Variants in TOM1 observed in about 807,000 individuals in gnomAD.
TOM1 encodes the protein target of Myb protein 1.
In TOM1, 38 loss-of-function variants were observed where a neutral mutation model predicts 61.3. That is an observed-to-expected ratio of 0.62 (90% CI 0.48 to 0.81). The LOEUF (loss-of-function observed/expected upper bound fraction) is 0.81. Ranked by LOEUF, TOM1 falls within the 40% of genes least tolerant of loss-of-function variation. The pLI is 0.00. For synonymous variants in TOM1, 270 were observed against 268.8 expected (o/e 1.00, Z -0.04); for missense variants, 591 against 659.6 (o/e 0.90, Z 1.14).
chr22:35,310,582 T>C (rs746917163), intron 1 of TOM1, among the ~76,000 whole-genome samples: 10 of 152,106 alleles, frequency 6.6e-5, no homozygotes, highest in Admixed American at 5.2e-4. Flanking sequence ...GGATTGCAAG[T>C]TGGAAGAAGG....
chr22:35,347,123 G>C lies in TOM1; in HGVS notation c.1393G>C (p.Ala465Pro). The change falls in exon 15 of 15, where the codon GCT becomes CCT. Residue 465 changes from alanine to proline, a missense_variant. Transcript: ENST00000449058. Reference sequence around the variant, plus strand: ...ATTGCCCAACCTCTCCAGCCCCTCAGCTGAGGGGCCCCCGGGTCCCCCATC... The same window carrying C: ...ATTGCCCAACCTCTCCAGCCCCTCACCTGAGGGGCCCCCGGGTCCCCCATC... ...DRLPNLSSPS[A>P]EGPPGPPSGP... 13 of 1,613,734 alleles carry C rather than the reference G, an allele frequency of 8.1e-6. No homozygotes were observed. The highest frequency in any genetic ancestry group is 1.1e-5 in the Non-Finnish European group (13 of 1,179,848).
chr22:35,339,869 A>G (rs1172029163), intron 12 of TOM1, among the ~76,000 whole-genome samples: 1 of 148,648 alleles, frequency 6.7e-6, no homozygotes, highest in Non-Finnish European at 1.5e-5. Flanking sequence ...CCGCCACTGC[A>G]CTCCAACCTG....
chr22:35,339,661 T>C (rs1929699816), intron 12 of TOM1, among the ~76,000 whole-genome samples: 2 of 151,182 alleles, frequency 1.3e-5, no homozygotes, highest in Admixed American at 6.6e-5. Flanking sequence ...TCCCAGCACT[T>C]TGGGAGGCCG....
At chr22:35,337,061 G>A (rs989982698) in intron 11 of TOM1, among the ~76,000 whole-genome samples, 4 of 151,290 alleles carry the variant, frequency 2.6e-5, no homozygotes, top group African/African-American at 9.7e-5. Context: ...TCAGCCTCCC[G>A]AGTAGCTGGG....
chr22:35,318,560 G>T (rs1927507905), intron 2 of TOM1, among the ~76,000 whole-genome samples: 3 of 152,218 alleles, frequency 2.0e-5, no homozygotes, highest in African/African-American at 7.2e-5. Context: ...AAGGATTGGG[G>T]TCTTGGCCTC....
rs759064716 is a variant in TOM1 at position 35,317,966 on chromosome 22, G to A, written c.137+5G>A. The stretch of plus-strand genomic sequence containing the variant: ...CATCAACGAGACGGAGGAAGGGTAA[G>A]GGCCCCCCAAGGAGAGGTTGGGGGC... On this transcript the variant is annotated splice_donor_5th_base_variant and intron_variant, in intron 2 of 14. Coordinates refer to ENST00000449058, the MANE Select transcript of TOM1 (RefSeq NM_005488.3). The A allele has an allele frequency of 6.2e-7, 1 of 1,613,444 alleles. No individual in the cohort carries two copies. Among genetic ancestry groups the A allele is most frequent in the Admixed American group, 1.7e-5 (1 of 60,010 alleles).
chr22:35,343,178 ACAC>A (rs796597049), intron 12 of TOM1, among the ~76,000 whole-genome samples: 28 of 118,296 alleles, frequency 2.4e-4, no homozygotes, highest in African/African-American at 3.7e-4. Flanking sequence ...ACACCTACAC[ACAC>A]CACACCTCCA....
At position 35,330,362 on chromosome 22, in the gene TOM1, T is replaced by C. The variant is rs201879097; in HGVS notation, c.781T>C (p.Cys261Arg). 113 of 1,612,506 alleles carry C rather than the reference T, an allele frequency of 7.0e-5. No homozygotes were observed. Among genetic ancestry groups the C allele is most frequent in the Non-Finnish European group, 8.8e-5 (104 of 1,179,530 alleles). The change falls in exon 8 of 15, where the codon TGC becomes CGC. Residue 261 changes from cysteine to arginine, a missense_variant. By Grantham distance (180) the Cys-to-Arg change is radical. Transcript: ENST00000449058. ...TTCCTGGCAGGAGCTCAACCGCACG[T>C]GCCGAGCCATGCAGCAGCGGGTCCT... ...LELLQELNRT[C>R]RAMQQRVLEL... is the part of the protein sequence containing the mutation.
intron 7 of TOM1, among the ~76,000 whole-genome samples, chr22:35,328,466 A>G (rs1928531045): frequency 6.6e-6 from 1 of 152,232 alleles, no homozygotes; most frequent in Non-Finnish European, 1.5e-5. Context: ...AGGTCAGGAA[A>G]TAGGCATAGG....
chr22:35,323,831 G>A lies in TOM1; in HGVS notation c.565G>A (p.Glu189Lys). The A allele has an allele frequency of 6.2e-7, 1 of 1,613,212 alleles. No homozygotes were observed. Among genetic ancestry groups the A allele is most frequent in the Non-Finnish European group, 8.5e-7 (1 of 1,179,532 alleles). ...DSVGTDSSQQ[E>K]DSGQHAAPLP... ...TGTGGGCACTGACTCCAGCCAGCAA[G>A]AGGACTCTGGCCAGCATGCTGCCCC... The change falls in exon 6 of 15, where the codon GAG (glutamate) becomes AAG (lysine). Residue 189 changes from glutamate (E) to lysine (K), a missense_variant. Glu to Lys is a moderately conservative substitution (Grantham distance 56). Coordinates refer to ENST00000449058, the MANE Select transcript of TOM1 (RefSeq NM_005488.3). The surrounding 1 kb of genome is among the most constrained non-coding windows in gnomAD (Gnocchi z 4.2).
intron 1 of TOM1, among the ~76,000 whole-genome samples, chr22:35,305,059 C>T (rs929753551): frequency 6.6e-6 from 1 of 152,192 alleles, no homozygotes; most frequent in African/African-American, 2.4e-5. Context: ...AAAAGCCAAG[C>T]CGGGGGAGCC....
chr22:35,311,762 C>T (rs981469153), intron 1 of TOM1, among the ~76,000 whole-genome samples: 2 of 152,194 alleles, frequency 1.3e-5, no homozygotes, highest in African/African-American at 2.4e-5. Flanking sequence ...TGGCTGCCCC[C>T]ACGACAGTTG....
rs59869158 is a variant in TOM1 at position 35,322,823 on chromosome 22, C to T, written c.217-205C>T. Among the ~76,000 whole-genome samples, 1,515 of 152,306 alleles carry T rather than the reference C, an allele frequency of 9.9e-3. 22 individuals are homozygous for T. Among genetic ancestry groups the T allele is most frequent in the African/African-American group, 0.035 (1,456 of 41,558 alleles). On this transcript the variant is annotated intron_variant, in intron 3 of 14. Transcript: ENST00000449058. Reference sequence around the variant, plus strand: ...TCCAGCCCACACACCATACCTCTGCCCACCCTAGGCCGTGCCCTCCAGTAA... The same window carrying T: ...TCCAGCCCACACACCATACCTCTGCTCACCCTAGGCCGTGCCCTCCAGTAA...
intron 1 of TOM1, among the ~76,000 whole-genome samples, chr22:35,310,445 C>T (rs914305009): frequency 3.3e-5 from 5 of 152,098 alleles, no homozygotes; most frequent in Admixed American, 1.3e-4. Context: ...CCCAGCTACT[C>T]GGGAGGCCGA....
chr22:35,319,880 A>G (rs1927624065), intron 2 of TOM1, among the ~76,000 whole-genome samples: 1 of 152,096 alleles, frequency 6.6e-6, no homozygotes, highest in South Asian at 2.1e-4. Flanking sequence ...CGCAGGCCTG[A>G]CCGCCTCCAT....
In TOM1 at chr22:35,323,552, T is replaced by C; in HGVS notation, c.423T>C (p.Tyr141=). The change falls in exon 5 of 15, where the codon TAT becomes TAC. Residue 141 remains tyrosine, a synonymous_variant. Transcript: ENST00000449058. The surrounding 1 kb of genome is among the most constrained non-coding windows in gnomAD (Gnocchi z 4.2). ...ATCTGACAGGTGTGGTCACCATCTA[T>C]GAGGACCTGCGGAGGAAAGGCCTGG... ...SPDLTGVVTI[Y]EDLRRKGLEF... is the part of the protein sequence containing the mutation. 6.2e-7 allele frequency: 1 copy of C among 1,614,112 alleles called. No homozygotes were observed. The highest frequency in any genetic ancestry group is 8.5e-7 in the Non-Finnish European group (1 of 1,180,000).
chr22:35,343,215 CT>C (rs1930078887), intron 12 of TOM1, among the ~76,000 whole-genome samples: 3 of 98,712 alleles, frequency 3.0e-5, no homozygotes, highest in Admixed American at 1.0e-4. Context: ...ACACACACCC[CT>C]ACACACACCA....
At chr22:35,312,243 CA>C (rs61692841) in intron 1 of TOM1, among the ~76,000 whole-genome samples, 12,030 of 116,718 alleles carry the variant, frequency 0.1, 1,368 homozygotes, top group African/African-American at 0.26. Flanking sequence ...GACTCCGTCT[CA>C]AAAAAAAAAA....
rs60871265 is a variant in TOM1, at chr22:35,341,583, G to A, written c.1224+2795G>A. ...CCCCTCTCAGGCCACCTGGCCTCTCGTGGTCAGAGGTTGACTCCACCACCC... is the reference window on the plus strand; with the variant it reads ...CCCCTCTCAGGCCACCTGGCCTCTCATGGTCAGAGGTTGACTCCACCACCC... On this transcript the variant is annotated intron_variant, in intron 12 of 14. Coordinates refer to ENST00000449058, the MANE Select transcript of TOM1 (RefSeq NM_005488.3). 7.3e-3 allele frequency among the ~76,000 whole-genome samples: 1,113 copies of A among 152,184 alleles called. 8 individuals are homozygous for A. Among genetic ancestry groups the A allele is most frequent in the African/African-American group, 0.026 (1,059 of 41,522 alleles).
Sources: allele counts gnomAD v4.1 joint callset (sites outside exome capture counted in the v4.1 genomes callset), GRCh38; gene constraint gnomAD v4.1.1; non-coding constraint Gnocchi (gnomAD v3.1); transcripts MANE v1.5; gene names NCBI Gene and HGNC (gene_info 2026-07-23, HGNC 2026-07-21).